ETFA: variants seen among roughly 807,000 people sequenced by gnomAD.
ETFA encodes the protein electron transfer flavoprotein subunit alpha, mitochondrial.
ETFA carries 22 observed loss-of-function variants against 46.2 expected under a neutral mutation model. That is an observed-to-expected ratio of 0.48 (90% CI 0.34 to 0.68). The LOEUF is 0.68. Among genes scored for constraint, ETFA ranks in the 30% least tolerant of loss-of-function variants. The pLI is 0.01. For synonymous variants in ETFA, 131 were observed against 139.9 expected (o/e 0.94, Z 0.45); for missense variants, 345 against 401.1 (o/e 0.86, Z 1.19).
At chr15:76,271,518 AATATTT>A (rs1360302842) in intron 9 of ETFA, among the ~76,000 whole-genome samples, 1 of 152,218 alleles carries the variant, frequency 6.6e-6, no homozygotes, top group Non-Finnish European at 1.5e-5. Flanking sequence ...TGGAACTATT[AATATTT>A]AAGATTGAAG....
chr15:76,236,480 C>T (rs965654556), intron 9 of ETFA, among the ~76,000 whole-genome samples: 1 of 152,214 alleles, frequency 6.6e-6, no homozygotes, highest in African/African-American at 2.4e-5. Flanking sequence ...AAAGAGCCTT[C>T]TTGTAAACTC....
In ETFA at chr15:76,266,061, G is replaced by A. The variant is rs934070637; in HGVS notation, c.816+8351C>T. On this transcript the variant is annotated intron_variant, in intron 9 of 11. Transcript: ENST00000557943. Reference sequence around the variant, plus strand: ...ATACAGAGCCTACTTTCTCCCCTTGGAATTCTCCTGTATTTGTCATTAAGA... The same window carrying A: ...ATACAGAGCCTACTTTCTCCCCTTGAAATTCTCCTGTATTTGTCATTAAGA... Among the ~76,000 whole-genome samples, 5 of 152,286 alleles carry A rather than the reference G, an allele frequency of 3.3e-5. No homozygotes were observed. The South Asian group carries it at 1.0e-3, about 32-fold the overall frequency.
intron 9 of ETFA, among the ~76,000 whole-genome samples, chr15:76,265,567 C>T (rs1450587498): frequency 1.3e-5 from 2 of 152,136 alleles, no homozygotes; most frequent in African/African-American, 4.8e-5. Flanking sequence ...GACACTTGCC[C>T]AGACAAAAGA....
chr15:76,300,481 C>T (rs1360101590), intron 1 of ETFA, among the ~76,000 whole-genome samples: 1 of 152,090 alleles, frequency 6.6e-6, no homozygotes, highest in African/African-American at 2.4e-5. Flanking sequence ...CTCCTAAATC[C>T]ATTCACTTCT....
chr15:76,303,022 C>T (rs2039896125), intron 1 of ETFA, among the ~76,000 whole-genome samples: 1 of 152,076 alleles, frequency 6.6e-6, no homozygotes, highest in South Asian at 2.1e-4. Flanking sequence ...AAAAAAACTT[C>T]TGCCAGGTGC....
chr15:76,234,410 C>T (rs1391598169), intron 9 of ETFA, among the ~76,000 whole-genome samples: 2 of 152,198 alleles, frequency 1.3e-5, no homozygotes, highest in East Asian at 3.9e-4. Flanking sequence ...TCTACAGATG[C>T]TAATTTATGG....
At chr15:76,309,964 G>T (rs748168502) in intron 1 of ETFA, 42 of 153,178 alleles carry the variant, frequency 2.7e-4, no homozygotes, top group Non-Finnish European at 4.3e-4. Context: ...AGGTGCGGTA[G>T]CTCAGGCCTG....
chr15:76,224,238 T>C (rs1250213211), intron 11 of ETFA, among the ~76,000 whole-genome samples: 2 of 152,098 alleles, frequency 1.3e-5, no homozygotes, highest in African/African-American at 4.8e-5. Context: ...AACATCTTAG[T>C]GGGAAAATGA....
At chr15:76,281,606 T>C (rs1178151266) in intron 8 of ETFA, among the ~76,000 whole-genome samples, 1 of 152,052 alleles carries the variant, frequency 6.6e-6, no homozygotes, top group Non-Finnish European at 1.5e-5. Flanking sequence ...TTGTATTTTT[T>C]AGTAGAGACG....
chr15:76,249,445 T>C (rs1180562246), intron 9 of ETFA, among the ~76,000 whole-genome samples: 3 of 142,062 alleles, frequency 2.1e-5, no homozygotes, highest in Non-Finnish European at 3.1e-5. Flanking sequence ...ATTTTTTTTT[T>C]TTTTTTTTTT....
chr15:76,304,541 G>A (rs1482639116), intron 1 of ETFA, among the ~76,000 whole-genome samples: 1 of 151,900 alleles, frequency 6.6e-6, no homozygotes, highest in Non-Finnish European at 1.5e-5. Flanking sequence ...GCGCATTCCC[G>A]TAGCCCCAGC....
At chr15:76,226,616 C>T (rs1055058184) in intron 10 of ETFA, among the ~76,000 whole-genome samples, 11 of 151,448 alleles carry the variant, frequency 7.3e-5, no homozygotes, top group Non-Finnish European at 1.2e-4. Context: ...CGGTGGCTCA[C>T]GCCTGTAATC....
At chr15:76,259,906 G>T in intron 9 of ETFA, 2 of 1,248,026 alleles carry the variant, frequency 1.6e-6, no homozygotes, top group Non-Finnish European at 2.4e-6. Flanking sequence ...TGACCACGGG[G>T]ATGGGGTGAC....
chr15:76,281,473 T>C (rs1372194218), intron 8 of ETFA, among the ~76,000 whole-genome samples: 1 of 151,960 alleles, frequency 6.6e-6, no homozygotes, highest in African/African-American at 2.4e-5. Flanking sequence ...TTGCCCAGGC[T>C]AGGGTGCAGT....
At chr15:76,223,188 C>T (rs1420945062) in intron 11 of ETFA, among the ~76,000 whole-genome samples, 3 of 147,150 alleles carry the variant, frequency 2.0e-5, no homozygotes, top group Non-Finnish European at 4.5e-5. Context: ...TTGTATTAAT[C>T]AAATACATAT....
intron 1 of ETFA, among the ~76,000 whole-genome samples, chr15:76,304,553 A>G (rs902173972): frequency 1.3e-5 from 2 of 151,954 alleles, no homozygotes; most frequent in Non-Finnish European, 2.9e-5. Flanking sequence ...AGCCCCAGCT[A>G]CTTGGAAGGC....
rs138134467 is a variant in ETFA, at chr15:76,226,029, G to A, written c.883-100C>T. On this transcript the variant is annotated intron_variant, in intron 10 of 11. Coordinates refer to ENST00000557943, the MANE Select transcript of ETFA (RefSeq NM_000126.4). ...TCCAATATATTAATATTCTTAAAAT[G>A]TCTACCAAATAAGATTTGAGGCATC... 3,321 of 747,974 alleles carry A rather than the reference G, an allele frequency of 4.4e-3. 20 individuals are homozygous for A. Among genetic ancestry groups the A allele is most frequent in the South Asian group, 8.5e-3 (558 of 65,968 alleles). 46.3% of individuals were successfully genotyped at this position (747,974 alleles called of 1,614,324 possible).
At chr15:76,236,553 G>A (rs1488584494) in intron 9 of ETFA, among the ~76,000 whole-genome samples, 1 of 152,168 alleles carries the variant, frequency 6.6e-6, no homozygotes, top group Non-Finnish European at 1.5e-5. Context: ...ATTGTCTTAT[G>A]TGTCTGTGTT....
intron 1 of ETFA, among the ~76,000 whole-genome samples, chr15:76,299,729 T>TTACA (rs1413821921): frequency 1.3e-5 from 2 of 152,200 alleles, no homozygotes; most frequent in African/African-American, 4.8e-5. Flanking sequence ...CCCTGCCCTA[T>TTACA]TACAATTCCT....
Sources: gnomAD v4.1 joint callset for allele counts (sites outside exome capture counted in the v4.1 genomes callset) on GRCh38, gnomAD v4.1.1 for gene constraint, MANE v1.5 for transcripts, NCBI Gene and HGNC (gene_info 2026-07-23, HGNC 2026-07-21) for gene names.